The following ZC3H12B variants were observed in gnomAD, a reference collection of about 807,000 sequenced individuals.
ZC3H12B encodes the protein probable ribonuclease ZC3H12B.
In ZC3H12B, 7 loss-of-function variants were observed where a neutral mutation model predicts 43.9. That is an observed-to-expected ratio of 0.16 (90% CI 0.09 to 0.30). ZC3H12B has a LOEUF of 0.30. Ranked by LOEUF, ZC3H12B falls within the 10% of genes least tolerant of loss-of-function variation. The probability of loss-of-function intolerance (pLI) is 1.00; values close to 1 mark genes in which losing one functional copy is unlikely to be tolerated. For missense variants in ZC3H12B, 475 were observed against 670.2 expected (o/e 0.71, Z 3.22); for synonymous variants, 222 against 241.7 (o/e 0.92, Z 0.76).
chrX:65,309,021 C>A, the ZC3H12B span, among the ~76,000 whole-genome samples: 1 of 110,875 alleles, frequency 9.0e-6, no homozygotes, highest in African/African-American at 3.3e-5. Flanking sequence ...CACTAAATGC[C>A]CACAAGAGAA....
rs1468153662 is a variant in ZC3H12B, at chrX:65,477,863, TTGG to T, written n.408-10780_408-10778del. Among the ~76,000 whole-genome samples, 30 of 105,192 alleles carry T rather than the reference TTGG, an allele frequency of 2.9e-4. No homozygotes were observed. In the Admixed American group the frequency reaches 3.0e-3, roughly 11 times the overall value. 91.3% of individuals were successfully genotyped at this position (105,192 alleles called of 115,157 possible). On this transcript the variant is annotated intron_variant and non_coding_transcript_variant, in intron 3 of 5. Coordinates refer to the ZC3H12B transcript ENST00000617377. ...TGTGTGTGTGTGTGTGTGTGTACACTTGGTGATATATCACAGGTCTCTTAGGCT... is the reference window on the plus strand; with the variant it reads ...TGTGTGTGTGTGTGTGTGTGTACACTTGATATATCACAGGTCTCTTAGGCT...
the ZC3H12B span, among the ~76,000 whole-genome samples, chrX:65,058,867 C>T: frequency 8.9e-6 from 1 of 112,348 alleles, no homozygotes; most frequent in Non-Finnish European, 1.9e-5. Context: ...GCGTGTGACC[C>T]TCCGAGCCAG....
upstream of ZC3H12B, among the ~76,000 whole-genome samples, chrX:65,487,951 A>G (rs1346900767): frequency 9.0e-6 from 1 of 111,681 alleles, no homozygotes; most frequent in East Asian, 2.8e-4. Flanking sequence ...GGCTCACTGC[A>G]AGCTCCACCT....
chrX:65,236,999 C>G, the ZC3H12B span, among the ~76,000 whole-genome samples: 1 of 111,679 alleles, frequency 9.0e-6, no homozygotes, highest in Non-Finnish European at 1.9e-5. Context: ...TGGCTTTGTT[C>G]TTTTTGCTTA....
chrX:65,161,659 TGTAA>T, the ZC3H12B span, among the ~76,000 whole-genome samples: 1 of 112,128 alleles, frequency 8.9e-6, no homozygotes, highest in African/African-American at 3.2e-5. Flanking sequence ...TGTGTGTCTC[TGTAA>T]GTGAGATGCG....
the ZC3H12B span, among the ~76,000 whole-genome samples, chrX:65,106,143 T>C: frequency 1.8e-5 from 2 of 111,436 alleles, no homozygotes; most frequent in Non-Finnish European, 3.8e-5. Flanking sequence ...TAAAACCCAA[T>C]ACTTCAAGAG....
chrX:65,150,941 C>A, the ZC3H12B span, among the ~76,000 whole-genome samples: 2 of 111,486 alleles, frequency 1.8e-5, no homozygotes, highest in Non-Finnish European at 3.8e-5. Flanking sequence ...AGCACACAAT[C>A]CCATTTTATT....
At chrX:65,294,593 A>G in the ZC3H12B span, among the ~76,000 whole-genome samples, 31 of 111,796 alleles carry the variant, frequency 2.8e-4, no homozygotes, top group African/African-American at 9.1e-4. Flanking sequence ...ACTATCTGCT[A>G]TCTTCAGAAG....
At chrX:65,309,574 G>C in the ZC3H12B span, among the ~76,000 whole-genome samples, 1 of 111,821 alleles carries the variant, frequency 8.9e-6, no homozygotes, top group Non-Finnish European at 1.9e-5. Flanking sequence ...GGTACGAAGA[G>C]GAGCTGGTAC....
rs1319932338 is a variant in ZC3H12B at position 65,442,884 on chromosome X, G to A, written n.407+44180G>A. Among the ~76,000 whole-genome samples the A allele has an allele frequency of 5.4e-5, 6 of 111,628 alleles. No individual in the cohort carries two copies. In the Admixed American group the frequency reaches 5.7e-4, roughly 11 times the overall value. ...TCTAAATCACCCTCTCGTCTAGCTT[G>A]CTGAATTCCTGCCTGGATAGAACTA... is the stretch of plus-strand genomic sequence containing the variant. On this transcript the variant is annotated intron_variant and non_coding_transcript_variant, in intron 3 of 5. Transcript: ENST00000617377.
intron 3 of ZC3H12B, among the ~76,000 whole-genome samples, chrX:65,452,607 G>A (rs1016496765): frequency 3.6e-5 from 4 of 111,679 alleles, no homozygotes; most frequent in Admixed American, 9.5e-5. Flanking sequence ...TTGGGAGGCC[G>A]AGGTGGGTGG....
chrX:65,162,817 C>T, the ZC3H12B span, among the ~76,000 whole-genome samples: 9 of 112,386 alleles, frequency 8.0e-5, no homozygotes, highest in South Asian at 3.7e-4. Context: ...TGAGGAACTG[C>T]GTTCCTTTGG....
the ZC3H12B span, among the ~76,000 whole-genome samples, chrX:65,223,319 C>G: frequency 9.1e-6 from 1 of 109,512 alleles, no homozygotes; most frequent in Non-Finnish European, 1.9e-5. Flanking sequence ...AAAAAAAAAT[C>G]AACTCAACAC....
At chrX:65,188,276 G>A in the ZC3H12B span, among the ~76,000 whole-genome samples, 2 of 110,812 alleles carry the variant, frequency 1.8e-5, no homozygotes, top group African/African-American at 6.6e-5. Flanking sequence ...ACACAGGAGT[G>A]CAGCTATCTT....
chrX:65,331,552 G>GTTTA, the ZC3H12B span, among the ~76,000 whole-genome samples: 20,927 of 103,641 alleles, frequency 0.2, 4,139 homozygotes, highest in African/African-American at 0.59. Flanking sequence ...TAAGTTTAAT[G>GTTTA]TTTATTTATT....
chrX:65,380,125 T>G (rs755851973), intron 2 of ZC3H12B, among the ~76,000 whole-genome samples: 3 of 111,422 alleles, frequency 2.7e-5, no homozygotes, highest in Non-Finnish European at 5.6e-5. Context: ...AGATACTCCT[T>G]GAGAAGAGCA....
intron 3 of ZC3H12B, among the ~76,000 whole-genome samples, chrX:65,420,216 G>A (rs1213988409): frequency 8.9e-6 from 1 of 111,892 alleles, no homozygotes; most frequent in African/African-American, 3.3e-5. Context: ...CACCACATTG[G>A]CCCCTATGAA....
At chrX:65,367,734 T>C (rs2066191786) in intron 1 of ZC3H12B, among the ~76,000 whole-genome samples, 1 of 111,701 alleles carries the variant, frequency 9.0e-6, no homozygotes, top group East Asian at 2.8e-4. Flanking sequence ...TTGTTTTATC[T>C]ATTTATTTTC....
chrX:65,315,151 A>T, the ZC3H12B span, among the ~76,000 whole-genome samples: 4,203 of 111,645 alleles, frequency 0.038, 183 homozygotes, highest in African/African-American at 0.13. Flanking sequence ...ATTAATTTTT[A>T]TTTAATTTGT....
Sources: allele counts gnomAD v4.1 joint callset (sites outside exome capture counted in the v4.1 genomes callset), GRCh38; gene constraint gnomAD v4.1.1; transcripts MANE v1.5; gene names NCBI Gene and HGNC (gene_info 2026-07-23, HGNC 2026-07-21).